Variants in DTNBP1 observed in about 807,000 individuals in gnomAD.
DTNBP1 encodes the protein dystrobrevin binding protein 1.
DTNBP1 carries 35 observed loss-of-function variants against 42.8 expected under a neutral mutation model. The ratio of observed to expected loss-of-function variants is 0.82; its 90% CI spans 0.63 to 1.09. DTNBP1 has a LOEUF of 1.09. Among genes scored for constraint, DTNBP1 ranks in the 50% least tolerant of loss-of-function variants. The pLI is 0.00. For missense variants in DTNBP1, 457 were observed against 424.2 expected (o/e 1.08, Z -0.68); for synonymous variants, 171 against 162.2 (o/e 1.05, Z -0.41).
chr6:15,599,226 AG>A (rs1776629463), intron 6 of DTNBP1, among the ~76,000 whole-genome samples: 1 of 152,216 alleles, frequency 6.6e-6, no homozygotes, highest in Non-Finnish European at 1.5e-5. Context: ...AAGATGAGAC[AG>A]GGGTAAGGGA....
upstream of DTNBP1, chr6:15,663,040 C>T (rs1761751153): frequency 4.7e-6 from 4 of 843,880 alleles, no homozygotes; most frequent in East Asian, 6.9e-5. Context: ...GCCCCTTCCG[C>T]GTTCCCGCCC....
intron 6 of DTNBP1, among the ~76,000 whole-genome samples, chr6:15,594,124 A>G (rs2113630705): frequency 6.6e-6 from 1 of 152,302 alleles, no homozygotes. Flanking sequence ...ATTATCCAGC[A>G]CCATGGTTCA....
At chr6:15,579,253 A>G (rs1303385286) in intron 7 of DTNBP1, among the ~76,000 whole-genome samples, 1 of 152,230 alleles carries the variant, frequency 6.6e-6, no homozygotes, top group African/African-American at 2.4e-5. Context: ...AGCAACATGG[A>G]TGAGCCTGTA....
intron 3 of DTNBP1, among the ~76,000 whole-genome samples, chr6:15,641,302 G>A (rs927813145): frequency 2.6e-5 from 4 of 152,160 alleles, no homozygotes; most frequent in African/African-American, 9.7e-5. Context: ...CAAAGTTACT[G>A]GTGAGTGGAC....
At chr6:15,523,799 C>G (rs1275704108) in intron 9 of DTNBP1, 1 of 1,287,230 alleles carries the variant, frequency 7.8e-7, no homozygotes, top group East Asian at 5.5e-5. Context: ...CAAGCTCCTT[C>G]TCTTCCCCAG....
chr6:15,615,007 G>A, intron 6 of DTNBP1: 2 of 556,402 alleles, frequency 3.6e-6, no homozygotes, highest in South Asian at 1.7e-5. Flanking sequence ...CTATTTTGCT[G>A]GAAAACTTTG....
chr6:15,614,439 C>T (rs767070332), intron 6 of DTNBP1, among the ~76,000 whole-genome samples: 3 of 152,112 alleles, frequency 2.0e-5, no homozygotes, highest in African/African-American at 7.2e-5. Context: ...CCATGACTTC[C>T]GCTTCCTCCC....
Position 15,553,593 on chromosome 6 carries a change from G to GTTTTTTTTTTT in DTNBP1, c.512-20199_512-20198insAAAAAAAAAAA, listed in dbSNP as rs1168459056. Among the ~76,000 whole-genome samples the GTTTTTTTTTTT allele has an allele frequency of 1.4e-4, 2 of 14,282 alleles. 1 individual carries two copies. Among genetic ancestry groups the GTTTTTTTTTTT allele is most frequent in the Non-Finnish European group, 2.4e-4 (2 of 8,314 alleles). 9.4% of individuals were successfully genotyped at this position (14,282 alleles called of 152,430 possible). On this transcript the variant is annotated intron_variant, in intron 7 of 9. Coordinates refer to ENST00000344537, the MANE Select transcript of DTNBP1 (RefSeq NM_032122.5). The stretch of plus-strand genomic sequence containing the variant: ...GCAGTTCAATGCTCTTGACAAGTGA[G>GTTTTTTTTTTT]CTTTTTTTTTTTTGGCCTCAGACAG...
intron 7 of DTNBP1, among the ~76,000 whole-genome samples, chr6:15,561,822 A>C (rs1325845995): frequency 2.0e-5 from 3 of 152,244 alleles, no homozygotes; most frequent in South Asian, 2.1e-4. Context: ...TTGATAAAAT[A>C]GGATGCAGTA....
At chr6:15,545,834 T>C (rs1351708706) in intron 7 of DTNBP1, among the ~76,000 whole-genome samples, 1 of 152,128 alleles carries the variant, frequency 6.6e-6, no homozygotes, top group Non-Finnish European at 1.5e-5. Context: ...AGGAACAAGA[T>C]GTGTATGAGG....
At chr6:15,606,547 C>A (rs1291676948) in intron 6 of DTNBP1, among the ~76,000 whole-genome samples, 5 of 152,132 alleles carry the variant, frequency 3.3e-5, no homozygotes, top group Non-Finnish European at 5.9e-5. Flanking sequence ...ACACTACAGG[C>A]TCTGGTGGGA....
At chr6:15,651,411 G>GAAAAA in intron 2 of DTNBP1, 48 bp from the exon 3 acceptor site, 1 of 1,287,514 alleles carries the variant, frequency 7.8e-7, no homozygotes, top group Non-Finnish European at 1.1e-6. Context: ...TTAGCCAACT[G>GAAAAA]AAAAAAAAAA....
At chr6:15,591,802 T>C (rs1776310796) in intron 7 of DTNBP1, among the ~76,000 whole-genome samples, 1 of 152,188 alleles carries the variant, frequency 6.6e-6, no homozygotes, top group African/African-American at 2.4e-5. Flanking sequence ...TTTTTTCATC[T>C]CTTACTGTTA....
rs116710970 is a variant in DTNBP1, at chr6:15,563,369, C to T, written c.511+29690G>A. Among the ~76,000 whole-genome samples the T allele has an allele frequency of 2.0e-3, 308 of 152,240 alleles. 1 individual carries two copies. Among genetic ancestry groups the T allele is most frequent in the South Asian group, 6.4e-3 (31 of 4,826 alleles). ...TAAAAAAAGAAAATAATAAAATGGA[C>T]TTCATCAAAATTAAAAACTTTTAAA... is the stretch of plus-strand genomic sequence containing the variant. On this transcript the variant is annotated intron_variant, in intron 7 of 9. Transcript: ENST00000344537.
intron 4 of DTNBP1, among the ~76,000 whole-genome samples, chr6:15,631,131 G>A (rs540811566): frequency 1.6e-4 from 25 of 152,136 alleles, no homozygotes; most frequent in African/African-American, 4.3e-4. Context: ...ACACATGAGC[G>A]GTCTGACAAA....
At chr6:15,556,322 C>T (rs1774517651) in intron 7 of DTNBP1, among the ~76,000 whole-genome samples, 1 of 151,952 alleles carries the variant, frequency 6.6e-6, no homozygotes, top group Non-Finnish European at 1.5e-5. Context: ...GCTGGGATTA[C>T]AGCCATGCGC....
chr6:15,571,753 T>TAGAC (rs1164814369), intron 7 of DTNBP1, among the ~76,000 whole-genome samples: 1 of 152,196 alleles, frequency 6.6e-6, no homozygotes, highest in Non-Finnish European at 1.5e-5. Context: ...TCCTGGGGGC[T>TAGAC]AGACACTTGG....
intron 1 of DTNBP1, among the ~76,000 whole-genome samples, chr6:15,653,234 A>G (rs1482976424): frequency 6.6e-6 from 1 of 152,254 alleles, no homozygotes; most frequent in Non-Finnish European, 1.5e-5. Context: ...GTGATGACTC[A>G]GGATCAGTAT....
chr6:15,605,503 C>T (rs1043075594), intron 6 of DTNBP1, among the ~76,000 whole-genome samples: 1 of 152,162 alleles, frequency 6.6e-6, no homozygotes. Flanking sequence ...TGCCTTACCA[C>T]TATACCATTA....
Sources: allele counts gnomAD v4.1 joint callset (sites outside exome capture counted in the v4.1 genomes callset), GRCh38; gene constraint gnomAD v4.1.1; transcripts MANE v1.5; gene names NCBI Gene and HGNC (gene_info 2026-07-23, HGNC 2026-07-21).